The following USP48 variants were observed in gnomAD, a reference collection of about 807,000 sequenced individuals.
The protein encoded by USP48 is ubiquitin carboxyl-terminal hydrolase 48.
USP48 carries 43 observed loss-of-function variants against 150.7 expected under a neutral mutation model. That is an observed-to-expected ratio of 0.29 (90% CI 0.22 to 0.37). The LOEUF is 0.37. USP48 is among the 10% of genes least tolerant of loss of function. The pLI, the probability that USP48 is intolerant of heterozygous loss-of-function variation, is 1.00. For missense variants in USP48, 813 were observed against 1,249.6 expected (o/e 0.65, Z 5.27); for synonymous variants, 396 against 425.9 (o/e 0.93, Z 0.86).
intron 5 of USP48, among the ~76,000 whole-genome samples, chr1:21,752,016 CAAA>C (rs943113295): frequency 1.6e-5 from 1 of 63,482 alleles, no homozygotes. Flanking sequence ...GAGTCCATCT[CAAA>C]AAAAAAAAAA....
Position 21,721,145 on chromosome 1 carries a change from C to T in USP48, c.1785G>A (p.Gly595=). 6.2e-7 allele frequency: 1 copy of T among 1,614,250 alleles called. No individual in the cohort carries two copies. The highest frequency in any genetic ancestry group is 1.1e-5 in the South Asian group (1 of 91,084). ...AVKGSDGFWV[G]KSSLRSWRQL... ...GGCGCCAACTCCGCAAGGAGGACTT[C>T]CCCACCCAAAATCCATCGCTGCTGT... The change falls in exon 14 of 27, where the codon GGG becomes GGA. Residue 595 remains glycine (G), a synonymous_variant. Coordinates refer to ENST00000308271, the MANE Select transcript of USP48 (RefSeq NM_032236.8).
chr1:21,757,693 G>A lies in USP48; in HGVS notation c.225C>T (p.Ile75=), dbSNP rs751604735. 22 of 1,612,546 alleles carry A rather than the reference G, an allele frequency of 1.4e-5. No homozygotes were observed. The highest frequency in any genetic ancestry group is 1.6e-4 in the Middle Eastern group (1 of 6,080). Residue 75 remains isoleucine, a synonymous_variant, in exon 2 of 27, where the codon ATC becomes ATT. Coordinates refer to ENST00000308271, the MANE Select transcript of USP48 (RefSeq NM_032236.8). ...GEIDENSFHN[I]DDPNCERRKK... ...TTCTCCTCTCACAGTTGGGATCATC[G>A]ATGTTATGAAAACTATTTTCATCTA... is the stretch of plus-strand genomic sequence containing the variant.
intron 1 of USP48, among the ~76,000 whole-genome samples, chr1:21,771,460 G>A (rs1408630473): frequency 6.8e-6 from 1 of 146,616 alleles, no homozygotes; most frequent in Non-Finnish European, 1.5e-5. Flanking sequence ...TAATATAATG[G>A]TTAATTATAA....
chr1:21,702,569 A>AT (rs1197901719), intron 21 of USP48, among the ~76,000 whole-genome samples: 2 of 151,274 alleles, frequency 1.3e-5, no homozygotes, highest in Non-Finnish European at 2.9e-5. Flanking sequence ...AGCCAGGGTG[A>AT]TTTTTTTTAA....
At chr1:21,693,549 G>A (rs1052132437) in intron 23 of USP48, among the ~76,000 whole-genome samples, 1 of 152,162 alleles carries the variant, frequency 6.6e-6, no homozygotes, top group Non-Finnish European at 1.5e-5. Flanking sequence ...CAGCTCATTC[G>A]GGCAGGTACA....
chr1:21,710,230 GATTCA>G (rs139431041), intron 15 of USP48, among the ~76,000 whole-genome samples: 6,585 of 152,218 alleles, frequency 0.043, 180 homozygotes, highest in Non-Finnish European at 0.066. Flanking sequence ...AGTCAAGAGA[GATTCA>G]ATTCAGTAAA....
At chr1:21,708,784 C>A (rs970260011) in intron 15 of USP48, among the ~76,000 whole-genome samples, 4 of 145,306 alleles carry the variant, frequency 2.8e-5, no homozygotes, top group Non-Finnish European at 3.0e-5. Flanking sequence ...ACATGGGAGG[C>A]TGAGGCAGGA....
At chr1:21,713,078 TTCTTTC>T (rs940937950) in intron 15 of USP48, among the ~76,000 whole-genome samples, 1 of 151,326 alleles carries the variant, frequency 6.6e-6, no homozygotes, top group African/African-American at 2.4e-5. Context: ...CTCCCTTTCT[TTCTTTC>T]TCTTTCTCAC....
chr1:21,714,097 G>A (rs1016158528), intron 15 of USP48, among the ~76,000 whole-genome samples: 2 of 152,168 alleles, frequency 1.3e-5, no homozygotes, highest in African/African-American at 4.8e-5. Flanking sequence ...ATAAGAATGA[G>A]ACATCATCCA....
rs548209055 is a variant in USP48 at position 21,756,551 on chromosome 1, T to C, written c.407A>G (p.Glu136Gly). The stretch of plus-strand genomic sequence containing the variant: ...CCCCACCCCTTTCCACCCACCTTTT[T>C]CTTCTTGGATGCCGTCTCCCAGCAT... ...DYMLGDGIQE[E>G]KDYEPQTICE... is the part of the protein sequence containing the mutation. Residue 136 changes from glutamate to glycine, a missense_variant, in exon 3 of 27, where the codon GAA becomes GGA. By Grantham distance (98) the Glu-to-Gly change is moderately conservative. Transcript: ENST00000308271. The C allele has an allele frequency of 9.5e-6, 15 of 1,579,736 alleles. No homozygotes were observed. Among genetic ancestry groups the C allele is most frequent in the East Asian group, 4.7e-5 (2 of 42,746 alleles).
At chr1:21,735,645 T>C (rs1229496337) in intron 9 of USP48, among the ~76,000 whole-genome samples, 2 of 152,194 alleles carry the variant, frequency 1.3e-5, no homozygotes, top group Admixed American at 6.5e-5. Context: ...TCCCAGCACC[T>C]TGGGGGGCCA....
At chr1:21,721,897 G>A in intron 12 of USP48, 133 bp from the exon 13 acceptor site, 5 of 509,944 alleles carry the variant, frequency 9.8e-6, no homozygotes, top group South Asian at 8.6e-5. Flanking sequence ...ATGGCAAATT[G>A]GTATATACCC....
chr1:21,752,502 C>T (rs774986996), intron 5 of USP48, 25 bp downstream of exon 5: 1 of 1,602,392 alleles, frequency 6.2e-7, no homozygotes, highest in Non-Finnish European at 8.5e-7. Context: ...TAAAATGTAC[C>T]ATGAAAAAGT....
chr1:21,682,399 A>G (rs1256665314), intron 25 of USP48, among the ~76,000 whole-genome samples: 3 of 149,732 alleles, frequency 2.0e-5, no homozygotes, highest in Non-Finnish European at 3.0e-5. Flanking sequence ...ACTCTCTTCT[A>G]TGCTCCAAAT....
At chr1:21,707,772 T>G (rs1484621449) in intron 15 of USP48, among the ~76,000 whole-genome samples, 1 of 152,204 alleles carries the variant, frequency 6.6e-6, no homozygotes, top group Non-Finnish European at 1.5e-5. Context: ...GCCATGAGCT[T>G]TCTAAATACA....
intron 15 of USP48, among the ~76,000 whole-genome samples, chr1:21,707,435 T>C (rs1306974643): frequency 6.6e-6 from 1 of 152,248 alleles, no homozygotes; most frequent in Non-Finnish European, 1.5e-5. Flanking sequence ...AGCAATCTAC[T>C]GCTCAATCTG....
intron 22 of USP48, among the ~76,000 whole-genome samples, chr1:21,695,610 G>A (rs2097626019): frequency 6.6e-6 from 1 of 152,284 alleles, no homozygotes; most frequent in East Asian, 1.9e-4. Context: ...CTTGGAGGCT[G>A]AGGCAGGAGG....
intron 25 of USP48, among the ~76,000 whole-genome samples, chr1:21,683,431 C>G (rs2097572164): frequency 6.6e-6 from 1 of 151,990 alleles, no homozygotes; most frequent in African/African-American, 2.4e-5. Flanking sequence ...GTCACCCAGG[C>G]TTGAGTGTAG....
chr1:21,721,614 T>C, intron 13 of USP48, 36 bp downstream of exon 13: 1 of 1,333,118 alleles, frequency 7.5e-7, no homozygotes, highest in South Asian at 1.5e-5. Flanking sequence ...GAAAACTTCT[T>C]AGTTTATCAT....
Sources: allele counts gnomAD v4.1 joint callset (sites outside exome capture counted in the v4.1 genomes callset), GRCh38; gene constraint gnomAD v4.1.1; transcripts MANE v1.5; gene names NCBI Gene and HGNC (gene_info 2026-07-23, HGNC 2026-07-21).